The following NBR1 variants were observed in gnomAD, a reference collection of about 807,000 sequenced individuals.
NBR1 encodes NBR1 autophagy cargo receptor, also known as next to BRCA1 gene 1 protein.
In NBR1, 59 loss-of-function variants were observed where a neutral mutation model predicts 115.5. The ratio of observed to expected loss-of-function variants is 0.51; its 90% CI spans 0.41 to 0.63. NBR1 has a LOEUF of 0.63. Among genes scored for constraint, NBR1 ranks in the 30% least tolerant of loss-of-function variants. The pLI is 0.00. For synonymous variants in NBR1, 373 were observed against 414.7 expected (o/e 0.90, Z 1.22); for missense variants, 1,043 against 1,150.5 (o/e 0.91, Z 1.35).
chr17:43,202,648 CT>C lies in NBR1; in HGVS notation c.2564-3del. ...CTGCATCTAACCAACAGCTCTTTTGCTTTTAGAGCCCAGAGGCTCATCAGGA... is the reference window on the plus strand; with the variant it reads ...CTGCATCTAACCAACAGCTCTTTTGCTTTAGAGCCCAGAGGCTCATCAGGA... On this transcript the variant is annotated splice_region_variant and splice_polypyrimidine_tract_variant and intron_variant, in intron 18 of 20. Coordinates refer to ENST00000590996, the MANE Select transcript of NBR1 (RefSeq NM_005899.5). 1 of 1,567,554 alleles carries C rather than the reference CT, an allele frequency of 6.4e-7. No individual in the cohort carries two copies. Among genetic ancestry groups the C allele is most frequent in the Non-Finnish European group, 8.7e-7 (1 of 1,154,766 alleles).
upstream of NBR1, chr17:43,170,768 A>G (rs2154581840): frequency 2.0e-5 from 3 of 152,386 alleles, no homozygotes; most frequent in Admixed American, 1.3e-4. Flanking sequence ...ACGGAAATCC[A>G]GTGGATAGAT....
chr17:43,198,322 C>A (rs975420606), intron 16 of NBR1, among the ~76,000 whole-genome samples: 1 of 151,812 alleles, frequency 6.6e-6, no homozygotes, highest in African/African-American at 2.4e-5. Context: ...CAAATTTGAC[C>A]TATATCTTTA....
chr17:43,185,349 G>A (rs1002200339), intron 5 of NBR1, among the ~76,000 whole-genome samples: 4 of 152,182 alleles, frequency 2.6e-5, no homozygotes, highest in Admixed American at 1.3e-4. Context: ...CAAGGTGGGC[G>A]GAGCCCGGGA....
chr17:43,209,577 A>T (rs1010463027), intron 20 of NBR1: 35 of 1,530,222 alleles, frequency 2.3e-5, no homozygotes, highest in Non-Finnish European at 3.0e-5. Context: ...GCTTGCTGTC[A>T]TTCCTTCATC....
chr17:43,200,418 C>T lies in NBR1; in HGVS notation c.2278C>T (p.Leu760=), dbSNP rs760431584. The T allele has an allele frequency of 5.6e-6, 9 of 1,609,014 alleles. No individual in the cohort carries two copies. In the East Asian group the frequency reaches 1.8e-4, roughly 32 times the overall value. ...MYSSALSQPG[L]ERGAEGKPGV... ...CAGCTCTGCGCTCTCACAGCCAGGCCTGGAGCGAGGTGCTGAAGGCAAGCC... is the reference window on the plus strand; with the variant it reads ...CAGCTCTGCGCTCTCACAGCCAGGCTTGGAGCGAGGTGCTGAAGGCAAGCC... The change falls in exon 17 of 21, where the codon CTG becomes TTG. Residue 760 remains leucine, a synonymous_variant. Coordinates refer to ENST00000590996, the MANE Select transcript of NBR1 (RefSeq NM_005899.5).
rs2057412516 is a variant in NBR1 at position 43,211,359 on chromosome 17, C to T, written c.*1285C>T. The T allele has an allele frequency of 1.3e-5, 2 of 152,630 alleles. No homozygotes were observed. Among genetic ancestry groups the T allele is most frequent in the Admixed American group, 1.3e-4 (2 of 15,284 alleles). The allele number at this position is 152,630 out of a possible 1,614,324, so 9.5% of individuals were successfully genotyped here. A position where few individuals can be genotyped will look rare whatever the true frequency, so the allele number is the denominator to read the frequency against. On this transcript the variant is annotated 3_prime_UTR_variant, in exon 21 of 21. Transcript: ENST00000590996. ...AAAGATAGTTAATAGTATTATCTAA[C>T]CTGGTTGGTATTTGTAATGAATGGT... is the stretch of plus-strand genomic sequence containing the variant.
chr17:43,203,024 C>G (rs568350842), intron 19 of NBR1, among the ~76,000 whole-genome samples: 1 of 151,970 alleles, frequency 6.6e-6, no homozygotes, highest in Non-Finnish European at 1.5e-5. Context: ...GGCATGGTGG[C>G]GGGCACCTGT....
upstream of NBR1, chr17:43,170,955 G>C (rs2056339268): frequency 6.6e-6 from 1 of 152,414 alleles, no homozygotes; most frequent in African/African-American, 2.4e-5. Flanking sequence ...TCAGTGGCCT[G>C]CGGGGACGCA....
At chr17:43,178,260 C>G (rs2056573924) in intron 3 of NBR1, among the ~76,000 whole-genome samples, 1 of 151,742 alleles carries the variant, frequency 6.6e-6, no homozygotes, top group Non-Finnish European at 1.5e-5. Context: ...GTTGCTCAGG[C>G]CAGTCTTGAA....
intron 6 of NBR1, among the ~76,000 whole-genome samples, chr17:43,187,863 T>C (rs1317695878): frequency 6.7e-6 from 1 of 149,654 alleles, no homozygotes; most frequent in African/African-American, 2.5e-5. Flanking sequence ...TGGTATCTCA[T>C]TGCGGTTTTG....
At chr17:43,191,287 C>T in intron 9 of NBR1, 85 bp from the exon 10 acceptor site, 1 of 922,930 alleles carries the variant, frequency 1.1e-6, no homozygotes. Context: ...TGGAAGCTGA[C>T]ACTGATGGAA....
chr17:43,186,252 G>A lies in NBR1; in HGVS notation c.210G>A (p.Met70Ile). The A allele has an allele frequency of 6.4e-7, 1 of 1,566,586 alleles. No individual in the cohort carries two copies. The highest frequency in any genetic ancestry group is 8.6e-7 in the Non-Finnish European group (1 of 1,156,232). The change falls in exon 6 of 21, where the codon ATG (methionine) becomes ATA (isoleucine). Residue 70 changes from methionine to isoleucine, a missense_variant and splice_region_variant. Transcript: ENST00000590996. ...TGTTTCATAATGTATGCTCTTAGAT[G>A]GCAGTTAAACAGGGAAACCAACTGC... ...SQGEYEEALKMAVKQGNQLQM... is the reference protein window; with the variant it reads ...SQGEYEEALKIAVKQGNQLQM...
intron 6 of NBR1, among the ~76,000 whole-genome samples, chr17:43,187,167 C>T (rs2056823137): frequency 6.6e-6 from 1 of 152,076 alleles, no homozygotes; most frequent in African/African-American, 2.4e-5. Flanking sequence ...TCTCCACATC[C>T]TCTCCAACAT....
rs2056921792 is a variant in NBR1 at position 43,190,660 on chromosome 17, C to T, written c.747C>T (p.Gly249=). 1 of 1,611,656 alleles carries T rather than the reference C, an allele frequency of 6.2e-7. No individual in the cohort carries two copies. Among genetic ancestry groups the T allele is most frequent in the African/African-American group, 1.3e-5 (1 of 74,908 alleles). ...AAGATTGTGAAGCAGGGCCATATGG[C>T]CATGACACTAACCACGTCCTGCTGA... ...ICEDCEAGPY[G]HDTNHVLLKL... is the part of the protein sequence containing the mutation. The change falls in exon 9 of 21, where the codon GGC becomes GGT. Residue 249 remains glycine (G), a synonymous_variant. Transcript: ENST00000590996.
intron 20 of NBR1, among the ~76,000 whole-genome samples, chr17:43,206,908 C>T (rs1035431326): frequency 1.3e-5 from 2 of 151,928 alleles, no homozygotes; most frequent in African/African-American, 4.8e-5. Context: ...ACAAAAAATA[C>T]AAAGAAATTA....
At chr17:43,197,814 A>G (rs1424203916) in intron 16 of NBR1, among the ~76,000 whole-genome samples, 7 of 152,212 alleles carry the variant, frequency 4.6e-5, no homozygotes, top group Admixed American at 3.3e-4. Flanking sequence ...GGATAGAAGC[A>G]GGAGTACCAA....
chr17:43,180,698 A>G, intron 4 of NBR1, 97 bp from the exon 5 acceptor site: 1 of 1,245,074 alleles, frequency 8.0e-7, no homozygotes. Flanking sequence ...TCTTGAATGA[A>G]TGAATGGATG....
Position 43,186,433 on chromosome 17 carries a change from C to T in NBR1, c.391C>T (p.Pro131Ser). 1.9e-6 allele frequency: 3 copies of T among 1,582,050 alleles called. No individual in the cohort carries two copies. The highest frequency in any genetic ancestry group is 2.6e-6 in the Non-Finnish European group (3 of 1,167,538). ...ATCAGACATGAAGACCCCAGAGGAT[C>T]CTGCAGTGCAGGTATGAAGGGTATG... ...LGSDMKTPED[P>S]AVQSFPLVPC... is the part of the protein sequence containing the mutation. Residue 131 changes from proline to serine, a missense_variant, in exon 6 of 21, where the codon CCT (proline) becomes TCT (serine). Pro to Ser is a moderately conservative substitution (Grantham distance 74). Coordinates refer to ENST00000590996, the MANE Select transcript of NBR1 (RefSeq NM_005899.5).
At chr17:43,194,544 G>A (rs2057024152) in intron 13 of NBR1, 45 bp downstream of exon 13, 1 of 1,606,252 alleles carries the variant, frequency 6.2e-7, no homozygotes, top group South Asian at 1.1e-5. Context: ...GAGGGAGAGA[G>A]CACAGGAGAG....
Sources: gnomAD v4.1 joint callset for allele counts (sites outside exome capture counted in the v4.1 genomes callset) on GRCh38, gnomAD v4.1.1 for gene constraint, MANE v1.5 for transcripts, NCBI Gene and HGNC (gene_info 2026-07-23, HGNC 2026-07-21) for gene names.